The following KANTR variants were observed in gnomAD, a reference collection of about 807,000 sequenced individuals.
KANTR encodes the protein KDM5C adjacent transcript.
At chrX:53,120,168 G>T (rs1933196033) in intron 2 of KANTR, among the ~76,000 whole-genome samples, 3 of 110,880 alleles carry the variant, frequency 2.7e-5, no homozygotes. Context: ...TCAAGTAGCT[G>T]GGACTACAGG....
chrX:53,103,978 ACTT>A (rs1323668916), intron 2 of KANTR, among the ~76,000 whole-genome samples: 1 of 110,422 alleles, frequency 9.1e-6, no homozygotes, highest in East Asian at 2.8e-4. Context: ...ACATTCTATT[ACTT>A]CTTCCATCTT....
intron 1 of KANTR, among the ~76,000 whole-genome samples, chrX:53,099,000 C>G (rs1569232919): frequency 9.0e-6 from 1 of 110,540 alleles, no homozygotes; most frequent in Non-Finnish European, 1.9e-5. Context: ...GCTGGGACCA[C>G]AGGCATGTGC....
At chrX:53,143,383 C>A (rs782645915), downstream of KANTR, 2 of 739,977 alleles carry the variant, frequency 2.7e-6, no homozygotes, top group Admixed American at 2.5e-5. Context: ...CAGGTCCAGA[C>A]GCAGGATGGC....
At chrX:53,105,263 C>T (rs1286780102) in intron 2 of KANTR, among the ~76,000 whole-genome samples, 2 of 111,628 alleles carry the variant, frequency 1.8e-5, no homozygotes, top group Non-Finnish European at 3.8e-5. Flanking sequence ...TATGAAGGTT[C>T]CAGTTTCTCC....
chrX:53,110,266 A>G (rs1602117781), intron 2 of KANTR, among the ~76,000 whole-genome samples: 1 of 111,810 alleles, frequency 8.9e-6, no homozygotes, highest in East Asian at 2.8e-4. Flanking sequence ...ACCATTGAGT[A>G]TGATGGTAGC....
intron 2 of KANTR, among the ~76,000 whole-genome samples, chrX:53,101,328 G>A (rs782041303): frequency 2.7e-5 from 3 of 112,202 alleles, no homozygotes; most frequent in African/African-American, 9.7e-5. Flanking sequence ...GTTGAAGGCC[G>A]GGCGCAATGG....
chrX:53,132,022 A>G (rs1933366027), downstream of KANTR, among the ~76,000 whole-genome samples: 1 of 112,423 alleles, frequency 8.9e-6, no homozygotes, highest in Admixed American at 9.4e-5. Context: ...AATACCATTT[A>G]CAATAACATC....
chrX:53,100,038 G>A (rs1932875832), intron 2 of KANTR, among the ~76,000 whole-genome samples: 2 of 112,108 alleles, frequency 1.8e-5, no homozygotes, highest in Admixed American at 1.9e-4. Context: ...AATGAACACT[G>A]GCTTCAAGTT....
intron 2 of KANTR, among the ~76,000 whole-genome samples, chrX:53,116,827 G>T (rs1253437486): frequency 1.8e-5 from 2 of 111,054 alleles, no homozygotes; most frequent in Non-Finnish European, 3.8e-5. Flanking sequence ...TATTACTCCT[G>T]TCTTTGAAAA....
At chrX:53,136,533 C>T (rs1482338990) in intron 2 of KANTR, among the ~76,000 whole-genome samples, 1 of 51,498 alleles carries the variant, frequency 1.9e-5, no homozygotes, top group African/African-American at 5.5e-5. Flanking sequence ...CCACCGTTCC[C>T]GGCTTTTTTT....
downstream of KANTR, among the ~76,000 whole-genome samples, chrX:53,147,066 G>T (rs1162070899): frequency 9.0e-6 from 1 of 111,680 alleles, no homozygotes; most frequent in Admixed American, 9.6e-5. Context: ...CAACCAACGA[G>T]CAAAATAACC....
rs185812204 is a variant in KANTR at position 53,110,459 on chromosome X, T to G, written c.-805+10851T>G. ...GTGTTGAACCAACCTTGCATCCTTG[T>G]GATAAATCCTACTCGATCATAGTAA... On this transcript the variant is annotated intron_variant, in intron 2 of 2. Transcript: ENST00000604062. 5.7e-3 allele frequency among the ~76,000 whole-genome samples: 636 copies of G among 112,370 alleles called. 2 individuals are homozygous for G. Among genetic ancestry groups the G allele is most frequent in the Non-Finnish European group, 9.7e-3 (517 of 53,278 alleles).
At chrX:53,118,908 A>T (rs1027198167) in intron 2 of KANTR, among the ~76,000 whole-genome samples, 7 of 111,657 alleles carry the variant, frequency 6.3e-5, no homozygotes, top group Non-Finnish European at 1.3e-4. Context: ...GCCTGGCTAA[A>T]TCATTTTTTA....
intron 2 of KANTR, among the ~76,000 whole-genome samples, chrX:53,114,202 G>GT (rs201079262): frequency 0.011 from 1,180 of 111,595 alleles, 17 homozygotes; most frequent in African/African-American, 0.037. Flanking sequence ...ACCGCACCAG[G>GT]TTAAAAAAAT....
At chrX:53,142,316 GTT>G (rs34127394) in exon 3 of KANTR, 21 of 95,138 alleles carry the variant, frequency 2.2e-4, no homozygotes, top group Admixed American at 2.5e-4. Context: ...TTCTGTGTAT[GTT>G]TTTTTTTTTT....
Position 53,099,109 on chromosome X carries a change from G to T in KANTR, c.-941-363G>T, listed in dbSNP as rs137894379. 8.7e-3 allele frequency among the ~76,000 whole-genome samples: 966 copies of T among 111,484 alleles called. 12 individuals carry two copies. Among genetic ancestry groups the T allele is most frequent in the African/African-American group, 0.03 (918 of 30,653 alleles). On this transcript the variant is annotated intron_variant, in intron 1 of 2. Coordinates refer to ENST00000604062, the Ensembl canonical transcript of KANTR. ...AGGAGGGCCTGGCACAGTGGCTTAT[G>T]CCTGTAATCCCAGCACTTTGGGAAG...
At chrX:53,102,541 A>G (rs1044386125) in intron 2 of KANTR, among the ~76,000 whole-genome samples, 2 of 112,171 alleles carry the variant, frequency 1.8e-5, no homozygotes, top group Non-Finnish European at 3.8e-5. Flanking sequence ...AGTGCTTCCT[A>G]TCAGGAGGCA....
chrX:53,128,074 G>C (rs373828943), downstream of KANTR, among the ~76,000 whole-genome samples: 4 of 111,581 alleles, frequency 3.6e-5, no homozygotes, highest in East Asian at 8.4e-4. Context: ...ACCCTACTGG[G>C]GCCTAGTCTG....
At chrX:53,102,556 A>G (rs115035106) in intron 2 of KANTR, among the ~76,000 whole-genome samples, 1,304 of 112,173 alleles carry the variant, frequency 0.012, 17 homozygotes, top group African/African-American at 0.04. Flanking sequence ...GAGGCATGTG[A>G]TGTCATTTTG....
Sources: allele counts gnomAD v4.1 joint callset (sites outside exome capture counted in the v4.1 genomes callset), GRCh38; gene constraint gnomAD v4.1.1; transcripts MANE v1.5; gene names NCBI Gene and HGNC (gene_info 2026-07-23, HGNC 2026-07-21).